Variants in CENPC observed in about 807,000 individuals in gnomAD.
CENPC encodes CENP-C 1.
Under a neutral mutation model 112.1 loss-of-function variants are expected in CENPC, and 63 were observed. The observed-to-expected ratio is 0.56, with a 90% CI of 0.46 to 0.69. The LOEUF is 0.69. Among genes scored for constraint, CENPC ranks in the 30% least tolerant of loss-of-function variants. The pLI is 0.00. For synonymous variants in CENPC, 333 were observed against 367.6 expected, an observed-to-expected ratio of 0.91 and a Z score of 1.08; for missense variants, 1,000 against 1,103.8, an observed-to-expected ratio of 0.91 and a Z score of 1.33.
At chr4:67,499,275 G>A (rs1725525347) in intron 12 of CENPC, among the ~76,000 whole-genome samples, 1 of 152,204 alleles carries the variant, frequency 6.6e-6, no homozygotes, top group South Asian at 2.1e-4. Context: ...TTGAAGTCAT[G>A]CATTGACTTC....
chr4:67,512,671 A>G, intron 8 of CENPC, 102 bp from the exon 9 acceptor site: 2 of 780,590 alleles, frequency 2.6e-6, no homozygotes. Context: ...AACTTCTTAA[A>G]TTTATCCTGT....
intron 9 of CENPC, 64 bp from the exon 10 acceptor site, chr4:67,509,169 A>G (rs1725822940): frequency 8.9e-7 from 1 of 1,125,206 alleles, no homozygotes; most frequent in Admixed American, 2.3e-5. Flanking sequence ...TCACTGAAAT[A>G]CCAACAGCAT....
At chr4:67,512,639 T>A in intron 8 of CENPC, 70 bp from the exon 9 acceptor site, 1 of 1,127,076 alleles carries the variant, frequency 8.9e-7, no homozygotes, top group Non-Finnish European at 1.2e-6. Flanking sequence ...CACAAGATTA[T>A]AAAAAAACCG....
At chr4:67,513,010 A>C (rs952422987) in intron 8 of CENPC, among the ~76,000 whole-genome samples, 1 of 152,190 alleles carries the variant, frequency 6.6e-6, no homozygotes, top group Non-Finnish European at 1.5e-5. Context: ...GGTTGACCCA[A>C]TCTAATTATG....
chr4:67,526,343 T>TA (rs1169361424), intron 5 of CENPC, among the ~76,000 whole-genome samples: 1 of 150,926 alleles, frequency 6.6e-6, no homozygotes, highest in East Asian at 1.9e-4. Context: ...AAAAAATATT[T>TA]AAAAAAACTC....
chr4:67,542,936 G>C (rs1381902712), intron 2 of CENPC, among the ~76,000 whole-genome samples: 1 of 152,110 alleles, frequency 6.6e-6, no homozygotes, highest in East Asian at 1.9e-4. Context: ...GGTCACATTA[G>C]GCAACAGCTT....
At chr4:67,508,071 A>G (rs1725785670) in intron 10 of CENPC, among the ~76,000 whole-genome samples, 1 of 152,168 alleles carries the variant, frequency 6.6e-6, no homozygotes, top group African/African-American at 2.4e-5. Flanking sequence ...TCTAGCAAAT[A>G]TTTGGCACAT....
chr4:67,522,438 A>C (rs2109814802), intron 5 of CENPC, among the ~76,000 whole-genome samples: 1 of 152,272 alleles, frequency 6.6e-6, no homozygotes, highest in East Asian at 1.9e-4. Flanking sequence ...TCTTGACTGC[A>C]GGCTGGGAGT....
intron 17 of CENPC, among the ~76,000 whole-genome samples, chr4:67,483,227 T>C (rs1425563229): frequency 6.6e-6 from 1 of 152,022 alleles, no homozygotes; most frequent in Non-Finnish European, 1.5e-5. Flanking sequence ...AAGGGACTAA[T>C]ACATCCTGTA....
chr4:67,491,474 TATATATAGAGAGAGAGAGAGAG>T (rs1245031499), intron 16 of CENPC, among the ~76,000 whole-genome samples: 7 of 32,768 alleles, frequency 2.1e-4, no homozygotes, highest in Middle Eastern at 0.015. Flanking sequence ...TATATATATA[TATATATAGAGAGAGAGAGAGAG>T]AGAGAGAGAG....
intron 12 of CENPC, among the ~76,000 whole-genome samples, chr4:67,501,110 C>A (rs1046634144): frequency 2.0e-5 from 3 of 152,080 alleles, no homozygotes; most frequent in African/African-American, 7.2e-5. Context: ...GAGTTTGAGA[C>A]CAGCCTGGCC....
At chr4:67,493,027 C>T in intron 14 of CENPC, 30 bp from the exon 15 acceptor site, 1 of 1,483,812 alleles carries the variant, frequency 6.7e-7, no homozygotes, top group Non-Finnish European at 8.9e-7. Flanking sequence ...GTAAAATATA[C>T]ATGGGAAAGA....
rs371916667 is a variant in CENPC, at chr4:67,492,222, T to A, written c.2473A>T (p.Thr825Ser). 6.4e-7 allele frequency: 1 copy of A among 1,570,436 alleles called. No individual in the cohort carries two copies. The highest frequency in any genetic ancestry group is 1.9e-5 in the Admixed American group (1 of 53,750). The change falls in exon 16 of 19, where the codon ACG becomes TCG. Residue 825 changes from threonine to serine, a missense_variant. Thr to Ser is a moderately conservative substitution (Grantham distance 58). Transcript: ENST00000273853. ...GIPLGDPLQP[T>S]RVKDPETREI... ...CTTGTTTCTGGGTCCTTTACCCTCG[T>A]TGGCTGCAAAGGATCTCCAAGAGGT...
intron 5 of CENPC, among the ~76,000 whole-genome samples, chr4:67,520,585 GCA>G (rs1726196494): frequency 6.6e-6 from 1 of 152,086 alleles, no homozygotes; most frequent in South Asian, 2.1e-4. Context: ...ACATCAAAAG[GCA>G]TCTTCTACCC....
intron 13 of CENPC, among the ~76,000 whole-genome samples, chr4:67,494,206 A>C (rs1016363795): frequency 2.0e-5 from 3 of 152,232 alleles, no homozygotes; most frequent in Non-Finnish European, 4.4e-5. Flanking sequence ...AAACCTAATA[A>C]TACTCAGCGT....
intron 5 of CENPC, among the ~76,000 whole-genome samples, chr4:67,525,898 A>G (rs893081001): frequency 6.6e-6 from 1 of 152,246 alleles, no homozygotes; most frequent in Non-Finnish European, 1.5e-5. Flanking sequence ...ACTATTTACA[A>G]TAGCAAAGAC....
intron 2 of CENPC, among the ~76,000 whole-genome samples, chr4:67,541,272 T>G (rs558047499): frequency 3.4e-4 from 52 of 152,296 alleles, no homozygotes; most frequent in Middle Eastern, 3.4e-3. Context: ...CCTTAACAAT[T>G]AATATTTCTT....
intron 16 of CENPC, among the ~76,000 whole-genome samples, chr4:67,490,864 ATATATATAT>A (rs1560422777): frequency 0.3 from 31,564 of 104,708 alleles, 4,426 homozygotes; most frequent in Admixed American, 0.43. Flanking sequence ...ATATATATAT[ATATATATAT>A]ATATAGAAAT....
In CENPC at chr4:67,511,719, A is replaced by G. The variant is rs192015040; in HGVS notation, c.1612+683T>C. On this transcript the variant is annotated intron_variant, in intron 9 of 18. Coordinates refer to ENST00000273853, the MANE Select transcript of CENPC (RefSeq NM_001812.4). ...GTACCTATGTGACCACCCCCAGGAA[A>G]GATCTTGGGCACTAAGTCTCTAGTG... 5.3e-5 allele frequency among the ~76,000 whole-genome samples: 8 copies of G among 152,288 alleles called. No homozygotes were observed. The East Asian group carries it at 1.4e-3, about 26-fold the overall frequency.
Sources: allele counts gnomAD v4.1 joint callset (sites outside exome capture counted in the v4.1 genomes callset), GRCh38; gene constraint gnomAD v4.1.1; transcripts MANE v1.5; gene names NCBI Gene and HGNC (gene_info 2026-07-23, HGNC 2026-07-21).